Variants in IFIT5 observed in about 807,000 individuals in gnomAD.
The protein encoded by IFIT5 is interferon-induced protein with tetratricopeptide repeats 5.
IFIT5 carries 2 observed loss-of-function variants against 5.0 expected under a neutral mutation model. The ratio of observed to expected loss-of-function variants is 0.40; its 90% CI spans 0.16 to 1.26. The LOEUF is 1.26. IFIT5 is among the 50% of genes most tolerant of loss of function. IFIT5 has a pLI of 0.33. For synonymous variants in IFIT5, 206 were observed against 204.6 expected (o/e 1.01, Z -0.06); for missense variants, 524 against 563.2 (o/e 0.93, Z 0.70).
rs1292488978 is a variant in IFIT5, at chr10:89,414,755, C to G, written c.-44C>G. 1 of 1,603,170 alleles carries G rather than the reference C, an allele frequency of 6.2e-7. No individual in the cohort carries two copies. The highest frequency in any genetic ancestry group is 8.5e-7 in the Non-Finnish European group (1 of 1,176,606). On this transcript the variant is annotated 5_prime_UTR_variant, in exon 1 of 2. It adds an upstream start codon to the 5' untranslated region. Coordinates refer to ENST00000371795, the MANE Select transcript of IFIT5 (RefSeq NM_012420.3). ...TCCCCGGTGCTGAGGAGAGAGCGAT[C>G]CGAGGGACTGCGCCGCCCGGACGGC...
Position 89,417,551 on chromosome 10 carries a change from G to A in IFIT5, c.352G>A (p.Gly118Ser). ...GCTTGAAGAAGCTCAGAAGTATACAGGTAAGATAGGGAATGTCTGTAAGAA... is the reference window on the plus strand; with the variant it reads ...GCTTGAAGAAGCTCAGAAGTATACAAGTAAGATAGGGAATGTCTGTAAGAA... ...DQLEEAQKYT[G>S]KIGNVCKKLS... is the part of the protein sequence containing the mutation. The change falls in exon 2 of 2, where the codon GGT (glycine) becomes AGT (serine). Residue 118 changes from glycine to serine, a missense_variant. Physicochemically the swap from Gly to Ser is moderately conservative, Grantham distance 56. Coordinates refer to ENST00000371795, the MANE Select transcript of IFIT5 (RefSeq NM_012420.3). 6.2e-7 allele frequency: 1 copy of A among 1,614,208 alleles called. No homozygotes were observed. Among genetic ancestry groups the A allele is most frequent in the African/African-American group, 1.3e-5 (1 of 75,050 alleles).
chr10:89,418,390 C>T lies in IFIT5; in HGVS notation c.1191C>T (p.Ile397=), dbSNP rs1474746330. The stretch of plus-strand genomic sequence containing the variant: ...ACCGTAAATCAGAAAATACTGCCAT[C>T]CATCATTATTTAGAAGCCTTAAAGG... ...EFHRKSENTA[I]HHYLEALKVK... The change falls in exon 2 of 2, where the codon ATC becomes ATT. Residue 397 remains isoleucine (I), a synonymous_variant. Coordinates refer to ENST00000371795, the MANE Select transcript of IFIT5 (RefSeq NM_012420.3). 1 of 1,614,180 alleles carries T rather than the reference C, an allele frequency of 6.2e-7. No homozygotes were observed. Among genetic ancestry groups the T allele is most frequent in the South Asian group, 1.1e-5 (1 of 91,090 alleles).
At position 89,417,941 on chromosome 10, in the gene IFIT5, C is replaced by G. The variant is rs1484639215; in HGVS notation, c.742C>G (p.Gln248Glu). 1.9e-6 allele frequency: 3 copies of G among 1,614,164 alleles called. No homozygotes were observed. Among genetic ancestry groups the G allele is most frequent in the Non-Finnish European group, 2.5e-6 (3 of 1,180,022 alleles). Residue 248 changes from glutamine (Q) to glutamate (E), a missense_variant, in exon 2 of 2, where the codon CAG becomes GAG. By Grantham distance (29) the Gln-to-Glu change is conservative. Transcript: ENST00000371795. ...IEEILDQISS[Q>E]PYVLRYAAKF... ...AGAAATCCTGGACCAAATATCATCC[C>G]AGCCTTACGTCCTTCGTTATGCAGC...
rs977973236 is a variant in IFIT5 at position 89,417,443 on chromosome 10, C to T, written c.244C>T (p.Gln82Ter). 6.2e-7 allele frequency: 1 copy of T among 1,614,144 alleles called. No homozygotes were observed. The highest frequency in any genetic ancestry group is 1.3e-5 in the African/African-American group (1 of 75,040). The change falls in exon 2 of 2, where the codon CAG becomes TAG. Residue 82 changes from glutamine to a stop codon, truncating the protein, a stop_gained. Coordinates refer to ENST00000371795, the MANE Select transcript of IFIT5 (RefSeq NM_012420.3). LOFTEE classifies it low-confidence loss of function (END_TRUNC). ...ECLEQAEEII[Q>*]QEHSDKEEVR... ...CTTGGAACAAGCAGAAGAAATAATC[C>T]AGCAAGAACACTCAGACAAAGAAGA...
rs1315973469 is a variant in IFIT5, at chr10:89,420,966, A to C, written c.*2318A>C. On this transcript the variant is annotated 3_prime_UTR_variant, in exon 2 of 2. Transcript: ENST00000371795. ...GGACTCCTCATCATATACTTGGTAT[A>C]TAATACTCTAATAAAAGCTGCCTGA... The C allele has an allele frequency of 6.6e-6, 1 of 152,210 alleles. No homozygotes were observed. Among genetic ancestry groups the C allele is most frequent in the Non-Finnish European group, 1.5e-5 (1 of 68,046 alleles). 9.4% of individuals were successfully genotyped at this position (152,210 alleles called of 1,614,324 possible).
Position 89,419,161 on chromosome 10 carries a change from T to C in IFIT5, c.*513T>C, listed in dbSNP as rs1350988746. On this transcript the variant is annotated 3_prime_UTR_variant, in exon 2 of 2. Coordinates refer to ENST00000371795, the MANE Select transcript of IFIT5 (RefSeq NM_012420.3). ...ATAGTCACCTAAAATATCTTTTTTG[T>C]TGGAAAAAAGTTTATAATAAAAAAG... The C allele has an allele frequency of 1.3e-5, 2 of 152,136 alleles. No homozygotes were observed. The highest frequency in any genetic ancestry group is 4.8e-5 in the African/African-American group (2 of 41,454). The allele number at this position is 152,136 out of a possible 1,614,324, so 9.4% of individuals were successfully genotyped here. A position where few individuals can be genotyped will look rare whatever the true frequency, so the allele number is the denominator to read the frequency against.
intron 1 of IFIT5, among the ~76,000 whole-genome samples, chr10:89,416,082 C>T (rs1841534537): frequency 6.6e-6 from 1 of 152,224 alleles, no homozygotes; most frequent in Admixed American, 6.5e-5. Context: ...GCCACCACGC[C>T]TGGCTAATTT....
At chr10:89,415,469 C>G (rs1363620176) in intron 1 of IFIT5, among the ~76,000 whole-genome samples, 1 of 152,250 alleles carries the variant, frequency 6.6e-6, no homozygotes. Flanking sequence ...TTCCCAGGAG[C>G]TACCTCTGTA....
chr10:89,417,213 G>A lies in IFIT5; in HGVS notation c.14G>A (p.Arg5His), dbSNP rs774614509. The change falls in exon 2 of 2, where the codon CGT (arginine) becomes CAT (histidine). Residue 5 changes from arginine to histidine, a missense_variant. Physicochemically the swap from Arg to His is conservative, Grantham distance 29. Coordinates refer to ENST00000371795, the MANE Select transcript of IFIT5 (RefSeq NM_012420.3). Reference protein sequence around the residue: MSEIRKDTLKAILLE... With the variant: MSEIHKDTLKAILLE... ...TATTTTATCTTTGACAGTGAAATTC[G>A]TAAGGACACCTTGAAGGCCATTCTG... is the stretch of plus-strand genomic sequence containing the variant. The A allele has an allele frequency of 7.0e-6, 11 of 1,570,762 alleles. No homozygotes were observed. Among genetic ancestry groups the A allele is most frequent in the South Asian group, 3.5e-5 (3 of 85,242 alleles).
intron 1 of IFIT5, among the ~76,000 whole-genome samples, chr10:89,415,276 C>T (rs1251954529): frequency 1.3e-5 from 2 of 152,222 alleles, no homozygotes; most frequent in African/African-American, 4.8e-5. Context: ...CTGCAGAGCC[C>T]CCAGGCGCTG....
Position 89,414,649 on chromosome 10 carries a change from C to G in IFIT5, c.-150C>G. The G allele has an allele frequency of 2.6e-6, 2 of 759,214 alleles. No individual in the cohort carries two copies. Among genetic ancestry groups the G allele is most frequent in the Non-Finnish European group, 3.9e-6 (2 of 514,150 alleles). 47.0% of individuals were successfully genotyped at this position (759,214 alleles called of 1,614,324 possible). On this transcript the variant is annotated 5_prime_UTR_variant, in exon 1 of 2. Coordinates refer to ENST00000371795, the MANE Select transcript of IFIT5 (RefSeq NM_012420.3). ...TGGGGTCTCTCCTTTAACAAAGACA[C>G]GCCGCGCGGCCGAGTCCAGGGGCTG... is the stretch of plus-strand genomic sequence containing the variant.
chr10:89,416,340 A>T lies in IFIT5; in HGVS notation c.6-865A>T, dbSNP rs188942644. Reference sequence around the variant, plus strand: ...AAAGACGGTGGCGTGCACCGTATATATGCAGGATGGGGAGGAAAAGGGCTC... The same window carrying T: ...AAAGACGGTGGCGTGCACCGTATATTTGCAGGATGGGGAGGAAAAGGGCTC... On this transcript the variant is annotated intron_variant, in intron 1 of 1. Transcript: ENST00000371795. Among the ~76,000 whole-genome samples the T allele has an allele frequency of 1.9e-3, 286 of 152,376 alleles. 2 individuals are homozygous for T. Among genetic ancestry groups the T allele is most frequent in the Non-Finnish European group, 2.5e-3 (172 of 68,028 alleles).
At position 89,414,784 on chromosome 10, in the gene IFIT5, C is replaced by T. The variant is rs781753818; in HGVS notation, c.-15C>T. On this transcript the variant is annotated 5_prime_UTR_variant, in exon 1 of 2. Coordinates refer to ENST00000371795, the MANE Select transcript of IFIT5 (RefSeq NM_012420.3). ...GGGACTGCGCCGCCCGGACGGCCTG[C>T]AGAGCGCTGCCATCATGAGGTAAGG... 2 of 1,608,760 alleles carry T rather than the reference C, an allele frequency of 1.2e-6. No individual in the cohort carries two copies. The highest frequency in any genetic ancestry group is 1.7e-6 in the Non-Finnish European group (2 of 1,178,030).
Position 89,418,706 on chromosome 10 carries a change from TG to T in IFIT5, c.*59del. 2.0e-6 allele frequency: 3 copies of T among 1,491,878 alleles called. No individual in the cohort carries two copies. Among genetic ancestry groups the T allele is most frequent in the South Asian group, 2.7e-5 (2 of 73,010 alleles). 92.4% of individuals were successfully genotyped at this position (1,491,878 alleles called of 1,614,324 possible). On this transcript the variant is annotated 3_prime_UTR_variant, in exon 2 of 2. Coordinates refer to ENST00000371795, the MANE Select transcript of IFIT5 (RefSeq NM_012420.3). ...TCCCTTCATTTTGGGTTCTCCTGTT[TG>T]TTTTTTTTTTATTATTTTAATCCCT... is the stretch of plus-strand genomic sequence containing the variant.
rs1043389423 is a variant in IFIT5, at chr10:89,418,517, G to A, written c.1318G>A (p.Ala440Thr). ...HNALDVQSLS[A>T]LGFVYKLEGE... Reference sequence around the variant, plus strand: ...TGCTTTAGATGTGCAGAGTTTAAGTGCCCTAGGGTTTGTTTACAAGCTGGA... The same window carrying A: ...TGCTTTAGATGTGCAGAGTTTAAGTACCCTAGGGTTTGTTTACAAGCTGGA... The change falls in exon 2 of 2, where the codon GCC becomes ACC. Residue 440 changes from alanine (A) to threonine (T), a missense_variant. Coordinates refer to ENST00000371795, the MANE Select transcript of IFIT5 (RefSeq NM_012420.3). 6.2e-7 allele frequency: 1 copy of A among 1,614,028 alleles called. No individual in the cohort carries two copies. Among genetic ancestry groups the A allele is most frequent in the African/African-American group, 1.3e-5 (1 of 74,914 alleles).
Position 89,414,766 on chromosome 10 carries a change from C to G in IFIT5, c.-33C>G. 1.2e-6 allele frequency: 2 copies of G among 1,606,100 alleles called. No homozygotes were observed. The highest frequency in any genetic ancestry group is 1.7e-6 in the Non-Finnish European group (2 of 1,177,308). On this transcript the variant is annotated 5_prime_UTR_variant, in exon 1 of 2. Coordinates refer to ENST00000371795, the MANE Select transcript of IFIT5 (RefSeq NM_012420.3). The stretch of plus-strand genomic sequence containing the variant: ...GAGGAGAGAGCGATCCGAGGGACTG[C>G]GCCGCCCGGACGGCCTGCAGAGCGC...
In IFIT5 at chr10:89,418,711, T is replaced by G. The variant is rs41284948; in HGVS notation, c.*63T>G. ...TCATTTTGGGTTCTCCTGTTTGTTT[T>G]TTTTTTATTATTTTAATCCCTTGTT... is the stretch of plus-strand genomic sequence containing the variant. On this transcript the variant is annotated 3_prime_UTR_variant, in exon 2 of 2. Coordinates refer to ENST00000371795, the MANE Select transcript of IFIT5 (RefSeq NM_012420.3). The G allele has an allele frequency of 0.023, 33,300 of 1,476,458 alleles. 1,339 individuals carry two copies. The highest frequency in any genetic ancestry group is 0.18 in the African/African-American group (12,440 of 70,448). The allele number at this position is 1,476,458 out of a possible 1,614,324, so 91.5% of individuals were successfully genotyped here.
intron 1 of IFIT5, among the ~76,000 whole-genome samples, chr10:89,415,148 C>G (rs1002747842): frequency 2.0e-5 from 3 of 152,192 alleles, no homozygotes; most frequent in Non-Finnish European, 4.4e-5. Context: ...GGGTATGTGC[C>G]GGGCGACGCT....
chr10:89,418,955 C>A lies in IFIT5; in HGVS notation c.*307C>A. On this transcript the variant is annotated 3_prime_UTR_variant, in exon 2 of 2. Coordinates refer to ENST00000371795, the MANE Select transcript of IFIT5 (RefSeq NM_012420.3). ...CTTTTTATCTCTGCTCTTTGAATTT[C>A]TCATATTATATAGTAAATATATTCC... The A allele has an allele frequency of 4.9e-6, 1 of 203,878 alleles. No individual in the cohort carries two copies. Among genetic ancestry groups the A allele is most frequent in the Non-Finnish European group, 9.9e-6 (1 of 101,230 alleles). 12.6% of individuals were successfully genotyped at this position (203,878 alleles called of 1,614,324 possible).
Sources: gnomAD v4.1 joint callset for allele counts (sites outside exome capture counted in the v4.1 genomes callset) on GRCh38, gnomAD v4.1.1 for gene constraint, MANE v1.5 for transcripts, NCBI Gene and HGNC (gene_info 2026-07-23, HGNC 2026-07-21) for gene names.